LARGE1: variants seen among roughly 807,000 people sequenced by gnomAD.
The protein encoded by LARGE1 is xylosyl- and glucuronyltransferase LARGE1.
LARGE1 carries 43 observed loss-of-function variants against 87.6 expected under a neutral mutation model. The observed-to-expected ratio is 0.49, with a 90% CI of 0.38 to 0.63. The LOEUF is 0.63. Among genes scored for constraint, LARGE1 ranks in the 30% least tolerant of loss-of-function variants. The pLI is 0.00. For missense variants in LARGE1, 802 were observed against 1,000.2 expected (o/e 0.80, Z 2.67); for synonymous variants, 434 against 394.6 (o/e 1.10, Z -1.18).
intron 1 of LARGE1, among the ~76,000 whole-genome samples, chr22:33,873,990 C>T (rs908444643): frequency 4.0e-5 from 6 of 151,874 alleles, no homozygotes; most frequent in African/African-American, 1.2e-4. Flanking sequence ...TCTCTCTCCC[C>T]CTCCTCCGTC....
At position 33,870,276 on chromosome 22, in the gene LARGE1, C is replaced by T. The variant is rs77113476; in HGVS notation, c.-83+49719G>A. On this transcript the variant is annotated intron_variant, in intron 1 of 14. Transcript: ENST00000397394. Reference sequence around the variant, plus strand: ...ACAGTTTCAGAGAGCATGGCCCTGCCAACACAAAACTGGTCTCTGGAATCA... The same window carrying T: ...ACAGTTTCAGAGAGCATGGCCCTGCTAACACAAAACTGGTCTCTGGAATCA... Among the ~76,000 whole-genome samples the T allele has an allele frequency of 8.2e-3, 1,242 of 152,182 alleles. 28 individuals carry two copies. The highest frequency in any genetic ancestry group is 0.028 in the African/African-American group (1,181 of 41,508).
intron 6 of LARGE1, among the ~76,000 whole-genome samples, chr22:33,564,626 AC>A (rs1178497473): frequency 1.3e-5 from 2 of 152,242 alleles, no homozygotes; most frequent in African/African-American, 4.8e-5. Context: ...TCTGTTAAAA[AC>A]ATCTTCATTT....
intron 7 of LARGE1, among the ~76,000 whole-genome samples, chr22:33,409,846 G>A (rs1464329958): frequency 7.0e-6 from 1 of 142,808 alleles, no homozygotes; most frequent in African/African-American, 2.6e-5. Flanking sequence ...GGGCGACAGA[G>A]TGAGACTCCA....
intron 11 of LARGE1, among the ~76,000 whole-genome samples, chr22:33,252,252 C>A (rs1272411172): frequency 3.5e-4 from 1 of 2,820 alleles, no homozygotes. Flanking sequence ...TTCCTTCATT[C>A]CCCCCCCCCC....
chr22:33,824,213 C>T (rs1217762191), intron 1 of LARGE1, among the ~76,000 whole-genome samples: 1 of 152,148 alleles, frequency 6.6e-6, no homozygotes, highest in African/African-American at 2.4e-5. Flanking sequence ...TCTCACACTG[C>T]TATTAAGAAC....
chr22:33,839,403 C>A (rs2063203764), intron 1 of LARGE1, among the ~76,000 whole-genome samples: 1 of 152,108 alleles, frequency 6.6e-6, no homozygotes, highest in Non-Finnish European at 1.5e-5. Context: ...CCATCTCCAA[C>A]ACTGTGGATT....
chr22:33,088,744 C>A, the LARGE1 span, among the ~76,000 whole-genome samples: 25 of 152,094 alleles, frequency 1.6e-4, 1 homozygote, highest in Admixed American at 5.9e-4. Flanking sequence ...GGCTTAAGAG[C>A]CTAGGGTTTT....
intron 9 of LARGE1, among the ~76,000 whole-genome samples, chr22:33,341,322 A>C (rs1939120524): frequency 6.6e-6 from 1 of 151,944 alleles, no homozygotes; most frequent in African/African-American, 2.4e-5. Context: ...CAGCCTCCAG[A>C]AACTGAGAAA....
At chr22:33,262,425 C>T (rs544662326) in intron 11 of LARGE1, among the ~76,000 whole-genome samples, 1 of 152,322 alleles carries the variant, frequency 6.6e-6, no homozygotes, top group South Asian at 2.1e-4. Flanking sequence ...GGGCCTCCTG[C>T]AGCCAGGGGA....
intron 1 of LARGE1, among the ~76,000 whole-genome samples, chr22:33,767,836 C>T (rs1450965399): frequency 6.6e-6 from 1 of 152,182 alleles, no homozygotes; most frequent in Non-Finnish European, 1.5e-5. Context: ...TGCTTAGGAT[C>T]CCAAACTGAT....
chr22:33,255,533 G>A (rs920363095), intron 11 of LARGE1, among the ~76,000 whole-genome samples: 2 of 152,176 alleles, frequency 1.3e-5, no homozygotes, highest in Non-Finnish European at 2.9e-5. Flanking sequence ...AAACCCAGAT[G>A]TAAGTTGATT....
chr22:33,767,107 C>T (rs1228908916), intron 1 of LARGE1, among the ~76,000 whole-genome samples: 12 of 151,030 alleles, frequency 7.9e-5, no homozygotes, highest in Admixed American at 6.6e-5. Context: ...TGACATCAGG[C>T]GTTCAAGACC....
At chr22:33,792,026 G>A (rs868651566) in intron 1 of LARGE1, among the ~76,000 whole-genome samples, 3 of 152,198 alleles carry the variant, frequency 2.0e-5, no homozygotes, top group South Asian at 4.1e-4. Flanking sequence ...GATGCCCAGA[G>A]AGCCTAAATG....
chr22:33,848,142 G>C (rs1346127502), intron 1 of LARGE1, among the ~76,000 whole-genome samples: 1 of 152,240 alleles, frequency 6.6e-6, no homozygotes, highest in Non-Finnish European at 1.5e-5. Context: ...AAATCAGGCA[G>C]CGTATTTTTT....
At chr22:33,452,165 T>C (rs2067958716) in intron 6 of LARGE1, among the ~76,000 whole-genome samples, 1 of 152,188 alleles carries the variant, frequency 6.6e-6, no homozygotes, top group Non-Finnish European at 1.5e-5. Context: ...CAAAACAAAT[T>C]CCTGCCTTGT....
chr22:33,741,833 G>C (rs1415162531), intron 2 of LARGE1, among the ~76,000 whole-genome samples: 1 of 152,166 alleles, frequency 6.6e-6, no homozygotes, highest in Non-Finnish European at 1.5e-5. Flanking sequence ...GAGCCAGGAG[G>C]GGTGTGCAAG....
chr22:33,073,434 G>A, the LARGE1 span, among the ~76,000 whole-genome samples: 1 of 152,148 alleles, frequency 6.6e-6, no homozygotes, highest in Non-Finnish European at 1.5e-5. Flanking sequence ...TTTTAAAGGA[G>A]TTTTAAGCTA....
rs182607232 is a variant in LARGE1 at position 33,754,421 on chromosome 22, C to T, written c.106+6950G>A. ...CGCCATCTCGGCTCACTGCAAGCTCCGCCCCCCAGGTTCATGCCATTCACC... is the reference window on the plus strand; with the variant it reads ...CGCCATCTCGGCTCACTGCAAGCTCTGCCCCCCAGGTTCATGCCATTCACC... On this transcript the variant is annotated intron_variant, in intron 2 of 14. Coordinates refer to ENST00000397394, the MANE Select transcript of LARGE1 (RefSeq NM_133642.5). 5.3e-5 allele frequency among the ~76,000 whole-genome samples: 8 copies of T among 152,024 alleles called. No homozygotes were observed. In the South Asian group the frequency reaches 6.2e-4, roughly 12 times the overall value.
At chr22:33,582,009 GTC>G (rs2078535023) in intron 5 of LARGE1, among the ~76,000 whole-genome samples, 1 of 152,128 alleles carries the variant, frequency 6.6e-6, no homozygotes, top group Non-Finnish European at 1.5e-5. Flanking sequence ...CACCTTCACA[GTC>G]AGCACCTGCC....
Sources: gnomAD v4.1 joint callset for allele counts (sites outside exome capture counted in the v4.1 genomes callset) on GRCh38, gnomAD v4.1.1 for gene constraint, MANE v1.5 for transcripts, NCBI Gene and HGNC (gene_info 2026-07-23, HGNC 2026-07-21) for gene names.